The following TNKS variants were observed in gnomAD, a reference collection of about 807,000 sequenced individuals.
The protein encoded by TNKS is tankyrase.
Under a neutral mutation model 135.8 loss-of-function variants are expected in TNKS, and 72 were observed. The ratio of observed to expected loss-of-function variants is 0.53; its 90% CI spans 0.44 to 0.64. TNKS has a LOEUF of 0.64. Ranked by LOEUF, TNKS falls within the 30% of genes least tolerant of loss-of-function variation. The probability of loss-of-function intolerance (pLI) is 0.00; values close to 1 mark genes in which losing one functional copy is unlikely to be tolerated. For missense variants in TNKS, 1,769 were observed against 1,674.0 expected, an observed-to-expected ratio of 1.06 and a Z score of -0.99; for synonymous variants, 849 against 649.3, an observed-to-expected ratio of 1.31 and a Z score of -4.68.
intron 17 of TNKS, among the ~76,000 whole-genome samples, chr8:9,743,006 T>C (rs1806048945): frequency 6.6e-6 from 1 of 152,150 alleles, no homozygotes; most frequent in Non-Finnish European, 1.5e-5. Context: ...CTATCCTGCC[T>C]TGGCTGGATA....
intron 3 of TNKS, among the ~76,000 whole-genome samples, chr8:9,675,050 G>C (rs2128794821): frequency 6.6e-6 from 1 of 152,278 alleles, no homozygotes; most frequent in Non-Finnish European, 1.5e-5. Flanking sequence ...ATACAGGTGT[G>C]TCTGGAGCCC....
intron 26 of TNKS, among the ~76,000 whole-genome samples, chr8:9,770,469 AAC>A (rs1013025093): frequency 7.9e-5 from 12 of 152,256 alleles, no homozygotes; most frequent in Non-Finnish European, 1.6e-4. Context: ...TCAGCCACAT[AAC>A]ACAGTGTGAA....
intron 3 of TNKS, among the ~76,000 whole-genome samples, chr8:9,667,273 T>G (rs1044687309): frequency 2.8e-4 from 42 of 152,364 alleles, no homozygotes; most frequent in Admixed American, 2.3e-3. Context: ...GATCTCTTCA[T>G]TTAAGAAACT....
intron 1 of TNKS, among the ~76,000 whole-genome samples, chr8:9,574,697 G>T (rs1475448005): frequency 6.6e-6 from 1 of 152,066 alleles, no homozygotes; most frequent in Non-Finnish European, 1.5e-5. Context: ...ACAGATCTTA[G>T]ATTTCGTTCA....
At chr8:9,647,677 G>A (rs1800968052) in intron 3 of TNKS, among the ~76,000 whole-genome samples, 1 of 152,090 alleles carries the variant, frequency 6.6e-6, no homozygotes, top group Non-Finnish European at 1.5e-5. Context: ...CTGTCTTCTT[G>A]TGTGACTTGT....
intron 2 of TNKS, among the ~76,000 whole-genome samples, chr8:9,587,977 G>A (rs1484523217): frequency 6.6e-6 from 1 of 152,158 alleles, no homozygotes; most frequent in Non-Finnish European, 1.5e-5. Context: ...AGGATAAGTA[G>A]CAGTTTTTTA....
chr8:9,602,908 AAAC>A (rs1315457484), intron 2 of TNKS, among the ~76,000 whole-genome samples: 5 of 152,204 alleles, frequency 3.3e-5, no homozygotes, highest in African/African-American at 1.2e-4. Context: ...ATCTCAATTG[AAAC>A]AACGTTTTCA....
chr8:9,624,893 C>T (rs186884924), intron 3 of TNKS, among the ~76,000 whole-genome samples: 2 of 152,136 alleles, frequency 1.3e-5, no homozygotes, highest in Middle Eastern at 3.4e-3. Flanking sequence ...AATACCAAGT[C>T]AGTGCTGTAT....
At chr8:9,740,467 C>T (rs1805883008) in intron 17 of TNKS, among the ~76,000 whole-genome samples, 1 of 152,190 alleles carries the variant, frequency 6.6e-6, no homozygotes, top group Non-Finnish European at 1.5e-5. Flanking sequence ...AGACTGTCGT[C>T]TCTCAGACCC....
At chr8:9,603,839 T>G (rs928370029) in intron 2 of TNKS, among the ~76,000 whole-genome samples, 1 of 152,212 alleles carries the variant, frequency 6.6e-6, no homozygotes, top group African/African-American at 2.4e-5. Flanking sequence ...AGAACAGAAC[T>G]CATCACTCTT....
At chr8:9,659,011 G>C (rs1378473476) in intron 3 of TNKS, among the ~76,000 whole-genome samples, 1 of 152,148 alleles carries the variant, frequency 6.6e-6, no homozygotes, top group African/African-American at 2.4e-5. Flanking sequence ...ATGGTAAAGG[G>C]ATCAATTCCA....
At position 9,763,208 on chromosome 8, in the gene TNKS, T is replaced by C; in HGVS notation, c.3336T>C (p.Ala1112=). 2 of 1,608,736 alleles carry C rather than the reference T, an allele frequency of 1.2e-6. No homozygotes were observed. Among genetic ancestry groups the C allele is most frequent in the Non-Finnish European group, 1.7e-6 (2 of 1,176,598 alleles). ...AGGGAACGATTTTGCTGGATCTTGCTCCAGAAGATAAAGAATATCAGTCAG... is the reference window on the plus strand; with the variant it reads ...AGGGAACGATTTTGCTGGATCTTGCCCCAGAAGATAAAGAATATCAGTCAG... The part of the protein sequence containing the change: ...VNQGTILLDL[A]PEDKEYQSVE... The change falls in exon 22 of 27, where the codon GCT becomes GCC. Residue 1112 remains alanine, a synonymous_variant. Coordinates refer to ENST00000310430, the MANE Select transcript of TNKS (RefSeq NM_003747.3).
At chr8:9,622,646 T>C (rs1232811959) in intron 3 of TNKS, among the ~76,000 whole-genome samples, 1 of 152,202 alleles carries the variant, frequency 6.6e-6, no homozygotes, top group Non-Finnish European at 1.5e-5. Context: ...AAAAATAAAA[T>C]TAGAGTGGCC....
chr8:9,656,626 T>TTTTTA (rs398112180), intron 3 of TNKS, among the ~76,000 whole-genome samples: 1 of 144,606 alleles, frequency 6.9e-6, no homozygotes, highest in African/African-American at 2.6e-5. Context: ...TTTTTTTTTT[T>TTTTTA]AATTTATTTT....
chr8:9,631,962 TA>T lies in TNKS; in HGVS notation c.994+16289del, dbSNP rs1308829463. Among the ~76,000 whole-genome samples the T allele has an allele frequency of 2.0e-5, 3 of 152,204 alleles. No homozygotes were observed. The East Asian group carries it at 5.8e-4, about 29-fold the overall frequency. ...CTTCAAAAGTAATCAGATTCTTCAT[TA>T]AAATCAAATTCTTCATTAAAACCTT... On this transcript the variant is annotated intron_variant, in intron 3 of 26. Coordinates refer to ENST00000310430, the MANE Select transcript of TNKS (RefSeq NM_003747.3).
chr8:9,711,294 C>G (rs548583958), intron 11 of TNKS, among the ~76,000 whole-genome samples: 1 of 152,272 alleles, frequency 6.6e-6, no homozygotes, highest in Non-Finnish European at 1.5e-5. Flanking sequence ...CATTGTGACT[C>G]GTGATGTCAA....
At chr8:9,761,762 C>T (rs1807161102) in intron 21 of TNKS, 126 bp downstream of exon 21, 1 of 974,462 alleles carries the variant, frequency 1.0e-6, no homozygotes, top group South Asian at 1.7e-5. Flanking sequence ...CCTCCTGTCC[C>T]TTCCCCATCT....
chr8:9,703,763 G>C (rs1158893666), intron 5 of TNKS, among the ~76,000 whole-genome samples: 3 of 152,056 alleles, frequency 2.0e-5, no homozygotes, highest in Non-Finnish European at 4.4e-5. Context: ...AAATGAAAGG[G>C]AATGCATTAA....
chr8:9,705,474 G>C lies in TNKS; in HGVS notation c.1203-713G>C, dbSNP rs376168942. ...CATAAAGAAGAGATGCCCTAGAGGAGAGTTTCTTTCACTTTGTCCCTCCCC... is the reference window on the plus strand; with the variant it reads ...CATAAAGAAGAGATGCCCTAGAGGACAGTTTCTTTCACTTTGTCCCTCCCC... On this transcript the variant is annotated intron_variant, in intron 6 of 26. Transcript: ENST00000310430. 2.6e-5 allele frequency among the ~76,000 whole-genome samples: 4 copies of C among 152,176 alleles called. No homozygotes were observed. In the East Asian group the frequency reaches 5.8e-4, roughly 22 times the overall value.
Sources: allele counts gnomAD v4.1 joint callset (sites outside exome capture counted in the v4.1 genomes callset), GRCh38; gene constraint gnomAD v4.1.1; transcripts MANE v1.5; gene names NCBI Gene and HGNC (gene_info 2026-07-23, HGNC 2026-07-21).